NAV3: variants seen among roughly 807,000 people sequenced by gnomAD.
NAV3 encodes the protein pore membrane and/or filament interacting like protein 1.
In NAV3, 87 loss-of-function variants were observed where a neutral mutation model predicts 244.7. The observed-to-expected ratio is 0.36, with a 90% CI of 0.30 to 0.42. The LOEUF (loss-of-function observed/expected upper bound fraction) is 0.42. Among genes scored for constraint, NAV3 ranks in the 20% least tolerant of loss-of-function variants. The pLI is 1.00. For synonymous variants in NAV3, 1,126 were observed against 1,042.2 expected, an observed-to-expected ratio of 1.08 and a Z score of -1.55; for missense variants, 2,663 against 2,893.3, an observed-to-expected ratio of 0.92 and a Z score of 1.83.
At chr12:78,005,881 A>G (rs1371375225) in intron 7 of NAV3, among the ~76,000 whole-genome samples, 1 of 152,212 alleles carries the variant, frequency 6.6e-6, no homozygotes, top group Non-Finnish European at 1.5e-5. Context: ...TTCATATTAT[A>G]TTCATTATAG....
intron 9 of NAV3, among the ~76,000 whole-genome samples, chr12:78,038,145 C>CTA (rs1566046445): frequency 5.3e-5 from 8 of 152,138 alleles, no homozygotes; most frequent in Non-Finnish European, 1.0e-4. Flanking sequence ...TAGTTTGTGA[C>CTA]TAAACTTTAA....
intron 7 of NAV3, among the ~76,000 whole-genome samples, chr12:78,004,433 A>T (rs1386080353): frequency 3.3e-5 from 5 of 152,188 alleles, no homozygotes; most frequent in African/African-American, 9.7e-5. Context: ...ATAGCCCATA[A>T]AAATGCAAGA....
At chr12:77,811,586 A>G (rs1872290802) in intron 2 of NAV3, among the ~76,000 whole-genome samples, 1 of 152,236 alleles carries the variant, frequency 6.6e-6, no homozygotes, top group Non-Finnish European at 1.5e-5. Context: ...AAGCTTTCCC[A>G]GCACCTAACA....
At chr12:77,975,729 C>G (rs1249409157) in intron 5 of NAV3, among the ~76,000 whole-genome samples, 4 of 152,054 alleles carry the variant, frequency 2.6e-5, no homozygotes, top group Non-Finnish European at 5.9e-5. Context: ...AGATATAATT[C>G]AAAGAAACAT....
intron 12 of NAV3, among the ~76,000 whole-genome samples, chr12:78,074,258 G>C (rs1032774743): frequency 6.6e-6 from 1 of 152,164 alleles, no homozygotes; most frequent in Non-Finnish European, 1.5e-5. Flanking sequence ...TAGACTTCTG[G>C]AAAAGACACA....
chr12:77,960,846 A>G lies in NAV3; in HGVS notation c.415-5383A>G, dbSNP rs189473734. On this transcript the variant is annotated intron_variant, in intron 3 of 39. Transcript: ENST00000397909. Reference sequence around the variant, plus strand: ...CATGTATGGTATGTGTAATATACACATATGTATATATTACACACATATAAT... The same window carrying G: ...CATGTATGGTATGTGTAATATACACGTATGTATATATTACACACATATAAT... Among the ~76,000 whole-genome samples, 68 of 127,312 alleles carry G rather than the reference A, an allele frequency of 5.3e-4. 1 individual carries two copies. The highest frequency in any genetic ancestry group is 4.4e-3 in the South Asian group (17 of 3,896). 83.5% of individuals were successfully genotyped at this position (127,312 alleles called of 152,430 possible). A position where few individuals can be genotyped will look rare whatever the true frequency, so the allele number is the denominator to read the frequency against.
intron 2 of NAV3, among the ~76,000 whole-genome samples, chr12:77,779,196 T>G (rs865835471): frequency 1.3e-5 from 2 of 152,314 alleles, no homozygotes; most frequent in Non-Finnish European, 1.5e-5. Context: ...GTGGTTTGGA[T>G]TTGAAATTTT....
At chr12:77,904,183 A>T (rs1292179978) in intron 1 of NAV3, among the ~76,000 whole-genome samples, 3 of 152,242 alleles carry the variant, frequency 2.0e-5, no homozygotes, top group African/African-American at 7.2e-5. Context: ...TGCTATAAAG[A>T]CACATGCACA....
chr12:77,922,092 C>G (rs2137184234), intron 1 of NAV3, among the ~76,000 whole-genome samples: 1 of 152,226 alleles, frequency 6.6e-6, no homozygotes, highest in East Asian at 1.9e-4. Context: ...AGTGCAAGAC[C>G]TGGTCATATG....
chr12:78,052,472 A>G (rs533695576), intron 11 of NAV3, among the ~76,000 whole-genome samples: 67 of 152,302 alleles, frequency 4.4e-4, no homozygotes, highest in Admixed American at 1.2e-3. Context: ...AGTTTTTGTC[A>G]TCTAGAATAA....
At chr12:77,639,638 G>T (rs1468352865) in intron 2 of NAV3, among the ~76,000 whole-genome samples, 1 of 152,160 alleles carries the variant, frequency 6.6e-6, no homozygotes, top group East Asian at 1.9e-4. Context: ...GTATGAGGGT[G>T]CTCAGTGTTG....
At position 77,866,696 on chromosome 12, in the gene NAV3, A is replaced by G. The variant is rs574838774; in HGVS notation, c.243+34992A>G. 3.3e-5 allele frequency among the ~76,000 whole-genome samples: 5 copies of G among 152,352 alleles called. No individual in the cohort carries two copies. The South Asian group carries it at 8.3e-4, about 25-fold the overall frequency. On this transcript the variant is annotated intron_variant, in intron 1 of 39. Coordinates refer to ENST00000397909, the MANE Select transcript of NAV3 (RefSeq NM_001024383.2). The stretch of plus-strand genomic sequence containing the variant: ...CCTCATATGTTTGAAGCATGAATGA[A>G]TGGTATATCGTAACTGTATATTGTT...
At chr12:77,722,697 T>C (rs1178731040) in intron 2 of NAV3, among the ~76,000 whole-genome samples, 1 of 152,070 alleles carries the variant, frequency 6.6e-6, no homozygotes, top group Non-Finnish European at 1.5e-5. Context: ...CCATGCTTTG[T>C]TTATATAGGG....
At chr12:78,080,747 T>C (rs552436364) in intron 12 of NAV3, among the ~76,000 whole-genome samples, 5 of 152,234 alleles carry the variant, frequency 3.3e-5, no homozygotes, top group Non-Finnish European at 7.3e-5. Context: ...GACTCTTTTC[T>C]CCTATTTGAT....
At chr12:77,832,445 C>T (rs1337930176) in intron 1 of NAV3, among the ~76,000 whole-genome samples, 1 of 152,114 alleles carries the variant, frequency 6.6e-6, no homozygotes, top group Non-Finnish European at 1.5e-5. Context: ...TGATAAGCGT[C>T]ACTTTTGTTT....
chr12:77,762,939 A>T (rs1231134641), intron 2 of NAV3, among the ~76,000 whole-genome samples: 2 of 152,248 alleles, frequency 1.3e-5, no homozygotes, highest in Non-Finnish European at 2.9e-5. Context: ...TTGTAATCAC[A>T]CATGGATAAC....
In NAV3 at chr12:78,188,599, A is replaced by T. The variant is rs758821230; in HGVS notation, c.5887-10A>T. On this transcript the variant is annotated splice_polypyrimidine_tract_variant and intron_variant, in intron 32 of 39. Transcript: ENST00000397909. ...TGTTTTGATTTTATTTTTTGTGTGT[A>T]CCATTGTAGGAATATGTATTCCGAA... The T allele has an allele frequency of 6.2e-7, 1 of 1,607,130 alleles. No individual in the cohort carries two copies. Among genetic ancestry groups the T allele is most frequent in the Non-Finnish European group, 8.5e-7 (1 of 1,176,410 alleles).
intron 2 of NAV3, among the ~76,000 whole-genome samples, chr12:77,789,508 TAAAAA>T (rs36070299): frequency 6.8e-6 from 1 of 146,860 alleles, no homozygotes; most frequent in Non-Finnish European, 1.5e-5. Flanking sequence ...GCTAATGAGC[TAAAAA>T]AAAAAAAAAA....
At chr12:78,145,957 C>T (rs529637687) in intron 20 of NAV3, among the ~76,000 whole-genome samples, 2 of 152,120 alleles carry the variant, frequency 1.3e-5, no homozygotes, top group South Asian at 4.1e-4. Flanking sequence ...GGCTAGAGGT[C>T]TCTATAATTT....
Sources: allele counts gnomAD v4.1 joint callset (sites outside exome capture counted in the v4.1 genomes callset), GRCh38; gene constraint gnomAD v4.1.1; transcripts MANE v1.5; gene names NCBI Gene and HGNC (gene_info 2026-07-23, HGNC 2026-07-21).